The following KCNH2 variants were observed in gnomAD, a reference collection of about 807,000 sequenced individuals.
KCNH2 encodes the protein voltage-gated inwardly rectifying potassium channel KCNH2.
Under a neutral mutation model 95.9 loss-of-function variants are expected in KCNH2, and 35 were observed. That is an observed-to-expected ratio of 0.37 (90% CI 0.28 to 0.48). The LOEUF is 0.48. Among genes scored for constraint, KCNH2 ranks in the 20% least tolerant of loss-of-function variants. KCNH2 has a pLI of 0.99. For missense variants in KCNH2, 1,274 were observed against 1,702.9 expected (o/e 0.75, Z 4.43); for synonymous variants, 786 against 754.7 (o/e 1.04, Z -0.68).
chr7:150,956,561 C>G (rs1237760598), intron 5 of KCNH2, among the ~76,000 whole-genome samples: 1 of 150,648 alleles, frequency 6.6e-6, no homozygotes, highest in East Asian at 2.0e-4. Flanking sequence ...ATGGAGGGGT[C>G]GCAGGTCCTC....
chr7:150,945,739 C>T lies in KCNH2; in HGVS notation c.3331-225G>A, dbSNP rs190870356. 1.5e-3 allele frequency among the ~76,000 whole-genome samples: 222 copies of T among 152,296 alleles called. No homozygotes were observed. Among genetic ancestry groups the T allele is most frequent in the African/African-American group, 5.1e-3 (211 of 41,564 alleles). On this transcript the variant is annotated intron_variant, in intron 14 of 14. Transcript: ENST00000262186. The surrounding 1 kb of genome is among the most constrained non-coding windows in gnomAD (Gnocchi z 5.6). Reference sequence around the variant, plus strand: ...AAGGTGGGAAGTAGAGAAAGGCATTCTCTGAGAGCAGGAGCCAAACAAGAG... The same window carrying T: ...AAGGTGGGAAGTAGAGAAAGGCATTTTCTGAGAGCAGGAGCCAAACAAGAG...
intron 1 of KCNH2, 90 bp from the exon 2 acceptor site, chr7:150,975,031 G>A (rs1481878235): frequency 2.6e-6 from 3 of 1,133,676 alleles, no homozygotes; most frequent in Admixed American, 2.2e-5. Flanking sequence ...TCACACAGCC[G>A]CCCGGGGACT....
rs1176953194 is a variant in KCNH2, at chr7:150,978,199, CCG to C, written c.-288_-287del. ...CCGCGGGGCCCGCTCCGCCGCGTCC[CCG>C]CGCTGCGCTCCGCCCGCCCGAGCCC... On this transcript the variant is annotated 5_prime_UTR_variant, in exon 1 of 15. Transcript: ENST00000262186. 1 of 146,554 alleles carries C rather than the reference CCG, an allele frequency of 6.8e-6. No homozygotes were observed. Among genetic ancestry groups the C allele is most frequent in the African/African-American group, 2.5e-5 (1 of 40,786 alleles). The allele number at this position is 146,554 out of a possible 1,614,324, so 9.1% of individuals were successfully genotyped here.
At chr7:150,955,352 T>A (rs1801329520) in intron 5 of KCNH2, 1 of 1,531,142 alleles carries the variant, frequency 6.5e-7, no homozygotes, top group Middle Eastern at 1.7e-4. Flanking sequence ...CCTGCCTCAG[T>A]GTGCCGGCCC....
rs993024844 is a variant in KCNH2, at chr7:150,945,629, G to A, written c.3331-115C>T. On this transcript the variant is annotated intron_variant, in intron 14 of 14. Transcript: ENST00000262186. This position sits in a 1 kb window ranked among gnomAD's most constrained non-coding sequence, Gnocchi z 5.6. ...ATGGACGGGAGGACAGGAGGGCCAA[G>A]AGGAGAGTCAGGTGGGCAGAGAAGC... The A allele has an allele frequency of 8.8e-7, 1 of 1,131,798 alleles. No homozygotes were observed. Among genetic ancestry groups the A allele is most frequent in the Admixed American group, 2.0e-5 (1 of 50,330 alleles). 70.1% of individuals were successfully genotyped at this position (1,131,798 alleles called of 1,614,324 possible). A position where few individuals can be genotyped will look rare whatever the true frequency, so the allele number is the denominator to read the frequency against.
rs1324826882 is a variant in KCNH2 at position 150,961,897 on chromosome 7, A to AC, written c.308-2162dup. On this transcript the variant is annotated intron_variant, in intron 2 of 14. Coordinates refer to ENST00000262186, the MANE Select transcript of KCNH2 (RefSeq NM_000238.4). This position sits in a 1 kb window ranked among gnomAD's most constrained non-coding sequence, Gnocchi z 6.2. The stretch of plus-strand genomic sequence containing the variant: ...ACCCGCTGGGGATTCATCTAGGGGA[A>AC]CGAGGTCTTCTGAAACCAGCTTAAA... Among the ~76,000 whole-genome samples the AC allele has an allele frequency of 1.4e-4, 21 of 152,298 alleles. No homozygotes were observed. The highest frequency in any genetic ancestry group is 1.2e-3 in the Admixed American group (18 of 15,306).
rs41314366 is a variant in KCNH2, at chr7:150,949,990, G to A, written c.2398+178C>T. 266 of 1,553,936 alleles carry A rather than the reference G, an allele frequency of 1.7e-4. 1 individual carries two copies. The African/African-American group carries it at 2.7e-3, about 16-fold the overall frequency. ...CCAGAGTTCAGCAGCCTCACCCCAC[G>A]TGGGGCTCCTCTCCATGGCCCCGCT... On this transcript the variant is annotated intron_variant, in intron 9 of 14. Transcript: ENST00000262186.
At position 150,947,579 on chromosome 7, in the gene KCNH2, C is replaced by G. The variant is rs1188714529; in HGVS notation, c.2965+27G>C. The G allele has an allele frequency of 1.9e-6, 3 of 1,609,978 alleles. No homozygotes were observed. In the South Asian group the frequency reaches 3.3e-5, roughly 18 times the overall value. ...CACCACCGCTGCCACGCCCGGTCCT[C>G]CCTCGCCCGCCCGTCGCCCGGGATA... On this transcript the variant is annotated intron_variant, in intron 12 of 14. Coordinates refer to ENST00000262186, the MANE Select transcript of KCNH2 (RefSeq NM_000238.4).
intron 2 of KCNH2, among the ~76,000 whole-genome samples, chr7:150,971,390 CA>C (rs1340211618): frequency 1.3e-5 from 2 of 152,088 alleles, no homozygotes; most frequent in African/African-American, 4.8e-5. Flanking sequence ...TCAGCTGTTG[CA>C]GTGGGGGGCC....
intron 2 of KCNH2, among the ~76,000 whole-genome samples, chr7:150,974,208 G>T (rs41311033): frequency 6.6e-6 from 1 of 152,210 alleles, no homozygotes; most frequent in Non-Finnish European, 1.5e-5. Context: ...GGGCAGGAGG[G>T]GGGCAGCAGA....
chr7:150,953,629 G>A (rs1004064920), intron 5 of KCNH2, among the ~76,000 whole-genome samples: 2 of 152,230 alleles, frequency 1.3e-5, no homozygotes, highest in Non-Finnish European at 2.9e-5. Flanking sequence ...ATCAGACAGA[G>A]GCAGGCTGGC....
intron 2 of KCNH2, among the ~76,000 whole-genome samples, chr7:150,967,769 C>G (rs1347235608): frequency 6.6e-6 from 1 of 152,180 alleles, no homozygotes; most frequent in African/African-American, 2.4e-5. Context: ...TTGTTTGCAT[C>G]AAAATTAAGT....
At chr7:150,977,804 G>GCC in intron 1 of KCNH2, 34 bp downstream of exon 1, 1 of 781,016 alleles carries the variant, frequency 1.3e-6, no homozygotes, top group Non-Finnish European at 2.0e-6. Context: ...CGCCCCCAGA[G>GCC]CCCCCTCCCC....
At chr7:150,963,344 G>A (rs969957100) in intron 2 of KCNH2, among the ~76,000 whole-genome samples, 2 of 152,154 alleles carry the variant, frequency 1.3e-5, no homozygotes, top group Admixed American at 6.5e-5. Context: ...GTCACTTACC[G>A]GCCCAGAGCC....
At chr7:150,949,408 A>ATTTTTT (rs1035990140) in intron 9 of KCNH2, 22 of 375,762 alleles carry the variant, frequency 5.9e-5, no homozygotes, top group Non-Finnish European at 7.1e-5. Flanking sequence ...CAAAACCAGC[A>ATTTTTT]TTTTTTTTTT....
Position 150,950,217 on chromosome 7 carries a change from G to C in KCNH2, c.2349C>G (p.Ser783=). Residue 783 remains serine, a synonymous_variant, in exon 9 of 15, where the codon TCC becomes TCG. Transcript: ENST00000262186. ...CCCGCAGGATCTCGATGGAGCCCCG[G>C]GAGATGAAGTACAGGGCGGTGAGCA... ...GDLLTALYFI[S]RGSIEILRGD... 1 of 1,613,096 alleles carries C rather than the reference G, an allele frequency of 6.2e-7. No homozygotes were observed. Among genetic ancestry groups the C allele is most frequent in the Non-Finnish European group, 8.5e-7 (1 of 1,179,750 alleles).
intron 8 of KCNH2, among the ~76,000 whole-genome samples, 184 bp from the exon 9 acceptor site, chr7:150,950,604 C>T (rs1161421815): frequency 2.0e-5 from 3 of 152,180 alleles, no homozygotes; most frequent in Non-Finnish European, 4.4e-5. Context: ...CTTCACCATG[C>T]CTGGCCGAGC....
At position 150,946,887 on chromosome 7, in the gene KCNH2, G is replaced by A. The variant is rs1303580599; in HGVS notation, c.3320C>T (p.Ser1107Leu). The change falls in exon 14 of 15, where the codon TCG becomes TTG. Residue 1107 changes from serine to leucine, a missense_variant. By Grantham distance (145) the Ser-to-Leu change is moderately radical. Transcript: ENST00000262186. The surrounding 1 kb of genome is among the most constrained non-coding windows in gnomAD (Gnocchi z 6.5). ...AGGGCTGGAGCTTACCTGAGAAAGCGAGTCCAAGGTGAGGGTGGGGAGGGG... is the reference window on the plus strand; with the variant it reads ...AGGGCTGGAGCTTACCTGAGAAAGCAAGTCCAAGGTGAGGGTGGGGAGGGG... ...VSPLPTLTLD[S>L]LSQVSQFMAC... The A allele has an allele frequency of 6.3e-6, 10 of 1,597,516 alleles. No homozygotes were observed. Among genetic ancestry groups the A allele is most frequent in the African/African-American group, 2.7e-5 (2 of 74,598 alleles).
chr7:150,963,036 C>T (rs1801609394), intron 2 of KCNH2, among the ~76,000 whole-genome samples: 1 of 152,204 alleles, frequency 6.6e-6, no homozygotes, highest in East Asian at 1.9e-4. Flanking sequence ...CCCAGGCCCT[C>T]GCTCTGCTCC....
Sources: allele counts gnomAD v4.1 joint callset (sites outside exome capture counted in the v4.1 genomes callset), GRCh38; gene constraint gnomAD v4.1.1; non-coding constraint Gnocchi (gnomAD v3.1); transcripts MANE v1.5; gene names NCBI Gene and HGNC (gene_info 2026-07-23, HGNC 2026-07-21).